Variants in ATM observed in about 807,000 individuals in gnomAD.
ATM encodes the protein serine-protein kinase ATM.
In ATM, 308 loss-of-function variants were observed where a neutral mutation model predicts 387.0. That is an observed-to-expected ratio of 0.80 (90% CI 0.73 to 0.87). The LOEUF (loss-of-function observed/expected upper bound fraction) is 0.87. Ranked by LOEUF, ATM falls within the 40% of genes least tolerant of loss-of-function variation. The pLI, the probability that ATM is intolerant of heterozygous loss-of-function variation, is 0.00. For missense variants in ATM, 3,312 were observed against 3,560.9 expected (o/e 0.93, Z 1.78); for synonymous variants, 1,156 against 1,187.3 (o/e 0.97, Z 0.54).
intron 40 of ATM, among the ~76,000 whole-genome samples, chr11:108,314,852 A>C (rs1043272911): frequency 6.6e-6 from 1 of 152,236 alleles, no homozygotes; most frequent in Non-Finnish European, 1.5e-5. Context: ...GCATTTACAG[A>C]ACTGTACTGT....
chr11:108,339,723 A>T (rs77835135), intron 56 of ATM, among the ~76,000 whole-genome samples: 4,439 of 152,242 alleles, frequency 0.029, 209 homozygotes, highest in African/African-American at 0.1. Context: ...TCAACAAAAA[A>T]TAAGGGTTTG....
intron 54 of ATM, 27 bp from the exon 55 acceptor site, chr11:108,334,942 T>C (rs1273319734): frequency 1.2e-6 from 2 of 1,602,204 alleles, no homozygotes; most frequent in South Asian, 1.1e-5. Flanking sequence ...TCTGACCTAT[T>C]ATCAATCATG....
intron 20 of ATM, among the ~76,000 whole-genome samples, 157 bp from the exon 21 acceptor site, chr11:108,272,375 T>G (rs141662132): frequency 6.6e-6 from 1 of 152,328 alleles, no homozygotes; most frequent in African/African-American, 2.4e-5. Context: ...AGCTTGAATT[T>G]TTGGCAAGGT....
At chr11:108,325,980 G>A (rs2136327357) in intron 46 of ATM, 78 bp from the exon 47 acceptor site, 1 of 1,496,798 alleles carries the variant, frequency 6.7e-7, no homozygotes. Flanking sequence ...GGTAGTTGCT[G>A]CTTTCATTAT....
chr11:108,254,106 G>A (rs910456180), intron 13 of ATM, 67 bp downstream of exon 13: 11 of 1,485,970 alleles, frequency 7.4e-6, no homozygotes, highest in Admixed American at 5.2e-5. Flanking sequence ...TTAGGAAGGA[G>A]AAATAGGGGC....
At chr11:108,263,036 G>T (rs929752576) in intron 16 of ATM, among the ~76,000 whole-genome samples, 1 of 152,074 alleles carries the variant, frequency 6.6e-6, no homozygotes, top group African/African-American at 2.4e-5. Context: ...TTAATAATGG[G>T]AGACTTTTAA....
chr11:108,245,735 T>G (rs1391180254), intron 7 of ATM, among the ~76,000 whole-genome samples: 2 of 151,930 alleles, frequency 1.3e-5, no homozygotes, highest in Non-Finnish European at 2.9e-5. Context: ...TTGGACCAAC[T>G]CATCATGGCT....
rs750385518 is a variant in ATM, at chr11:108,326,102, T to C, written c.6852T>C (p.Val2284=). ...AIFQIKQYNS[V]SCGVSEWQLE... ...TTCAAATTAAACAGTACAATTCAGT[T>C]AGCTGTGGAGTCTCTGAGTGGCAGC... Residue 2284 remains valine, a synonymous_variant, in exon 47 of 63, where the codon GTT becomes GTC. Transcript: ENST00000675843. 6.2e-7 allele frequency: 1 copy of C among 1,614,174 alleles called. No individual in the cohort carries two copies. Among genetic ancestry groups the C allele is most frequent in the Non-Finnish European group, 8.5e-7 (1 of 1,180,014 alleles).
intron 15 of ATM, 21 bp from the exon 16 acceptor site, chr11:108,258,965 C>A (rs2135420142): frequency 6.3e-7 from 1 of 1,590,312 alleles, no homozygotes. Context: ...TTGCTTGGTT[C>A]TTTGTTTGTC....
At chr11:108,266,789 A>ATTT (rs893198517) in intron 16 of ATM, among the ~76,000 whole-genome samples, 37 of 132,564 alleles carry the variant, frequency 2.8e-4, no homozygotes, top group African/African-American at 4.4e-4. Context: ...GATTAGGTAA[A>ATTT]TTTTTTTTTT....
chr11:108,271,098 A>T lies in ATM; in HGVS notation c.2873A>T (p.Glu958Val), dbSNP rs587778069. 6.2e-6 allele frequency: 10 copies of T among 1,614,130 alleles called. No homozygotes were observed. Among genetic ancestry groups the T allele is most frequent in the Non-Finnish European group, 8.5e-6 (10 of 1,180,028 alleles). ...CTTTTAAAGGAGCTTCCTGGAGAAG[A>T]GTACCCCTTGCCAATGGAAGATGTT... ...LMLLKELPGE[E>V]YPLPMEDVLE... The change falls in exon 19 of 63, where the codon GAG becomes GTG. Residue 958 changes from glutamate to valine, a missense_variant. By Grantham distance (121) the Glu-to-Val change is moderately radical (BLOSUM62 -2). Transcript: ENST00000675843.
At chr11:108,263,916 C>A (rs997984438) in intron 16 of ATM, among the ~76,000 whole-genome samples, 41 of 149,728 alleles carry the variant, frequency 2.7e-4, no homozygotes, top group Admixed American at 2.3e-3. Flanking sequence ...ATACACTCTC[C>A]CAAGACTAAA....
intron 8 of ATM, among the ~76,000 whole-genome samples, chr11:108,247,638 C>G (rs1396162816): frequency 1.3e-5 from 2 of 152,138 alleles, no homozygotes; most frequent in African/African-American, 4.8e-5. Context: ...CTCTGTCACC[C>G]AGGCTGGAGT....
Position 108,288,365 on chromosome 11 carries a change from G to A in ATM, c.4110-612G>A, listed in dbSNP as rs572453464. Among the ~76,000 whole-genome samples, 48 of 152,162 alleles carry A rather than the reference G, an allele frequency of 3.2e-4. No individual in the cohort carries two copies. In the South Asian group the frequency reaches 6.0e-3, roughly 19 times the overall value. ...GCTGGGTCTACAGGCATGAGCCGCC[G>A]TACCCAGCCTCACCTTTTCTTTATT... On this transcript the variant is annotated intron_variant, in intron 27 of 62. Coordinates refer to ENST00000675843, the MANE Select transcript of ATM (RefSeq NM_000051.4).
At chr11:108,292,530 C>G (rs2082849622) in intron 29 of ATM, 89 bp from the exon 30 acceptor site, 1 of 1,452,534 alleles carries the variant, frequency 6.9e-7, no homozygotes, top group South Asian at 1.2e-5. Context: ...ATTAGAGATG[C>G]TGAACAAAAG....
intron 49 of ATM, among the ~76,000 whole-genome samples, chr11:108,329,822 A>G (rs536558758): frequency 6.6e-6 from 1 of 152,328 alleles, no homozygotes; most frequent in African/African-American, 2.4e-5. Flanking sequence ...TATAGATATT[A>G]GCTTTCTGTT....
At position 108,227,694 on chromosome 11, in the gene ATM, A is replaced by T. The variant is rs1469464426; in HGVS notation, c.70A>T (p.Lys24Ter). Residue 24 changes from lysine (K) to a stop codon, truncating the protein, a stop_gained and splice_region_variant, in exon 2 of 63, where the codon AAG becomes TAG. Transcript: ENST00000675843. LOFTEE classifies it high-confidence loss of function. ...AGAACATGATAGAGCTACAGAACGA[A>T]AGGTAGTAAATTACTTAAATTCAAT... is the stretch of plus-strand genomic sequence containing the variant. ...QLEHDRATER[K>*]KEVEKFKRLI... is the part of the protein sequence containing the mutation. 1 of 1,613,512 alleles carries T rather than the reference A, an allele frequency of 6.2e-7. No homozygotes were observed. Among genetic ancestry groups the T allele is most frequent in the Non-Finnish European group, 8.5e-7 (1 of 1,179,718 alleles).
intron 59 of ATM, among the ~76,000 whole-genome samples, chr11:108,349,896 A>C (rs1300897935): frequency 3.9e-5 from 6 of 152,218 alleles, no homozygotes; most frequent in Non-Finnish European, 1.5e-5. Flanking sequence ...GAGGCATGTT[A>C]GCTTTTCTGC....
At chr11:108,233,569 CA>C (rs531411723) in intron 4 of ATM, among the ~76,000 whole-genome samples, 2,274 of 50,932 alleles carry the variant, frequency 0.045, 17 homozygotes, top group East Asian at 0.08. Context: ...ATCCTGTGTC[CA>C]AAAAAAAAAA....
Sources: allele counts gnomAD v4.1 joint callset (sites outside exome capture counted in the v4.1 genomes callset), GRCh38; gene constraint gnomAD v4.1.1; transcripts MANE v1.5; gene names NCBI Gene and HGNC (gene_info 2026-07-23, HGNC 2026-07-21).